Variants in ELL observed in about 807,000 individuals in gnomAD.
ELL encodes elongation factor for RNA polymerase II.
ELL carries 18 observed loss-of-function variants against 64.0 expected under a neutral mutation model. The ratio of observed to expected loss-of-function variants is 0.28; its 90% CI spans 0.19 to 0.42. ELL has a LOEUF of 0.42. ELL is among the 10% of genes least tolerant of loss of function. The pLI is 1.00. For synonymous variants in ELL, 399 were observed against 376.2 expected, an observed-to-expected ratio of 1.06 and a Z score of -0.70; for missense variants, 797 against 870.4, an observed-to-expected ratio of 0.92 and a Z score of 1.06.
In ELL at chr19:18,450,716, C is replaced by T. The variant is rs1292425325; in HGVS notation, c.1226G>A (p.Arg409Gln). 31 of 1,585,448 alleles carry T rather than the reference C, an allele frequency of 2.0e-5. No homozygotes were observed. In the Admixed American group the frequency reaches 3.5e-4, roughly 18 times the overall value. Residue 409 changes from arginine to glutamine, a missense_variant, in exon 8 of 12, where the codon CGA becomes CAA. Transcript: ENST00000262809. Reference sequence around the variant, plus strand: ...AGCCGCCTCTCCGTGCTCACAGTCTCGGCCGCTGTGGCCCAGGTCATTGCT... The same window carrying T: ...AGCCGCCTCTCCGTGCTCACAGTCTTGGCCGCTGTGGCCCAGGTCATTGCT... The part of the protein sequence containing the change: ...DVSNDLGHSG[R>Q]DCEHGEAAAP...
intron 2 of ELL, 179 bp downstream of exon 2, chr19:18,472,656 A>G: frequency 1.4e-6 from 1 of 697,232 alleles, no homozygotes; most frequent in South Asian, 2.0e-5. Context: ...TGCACCCGAC[A>G]CGTCCTGGTG....
At chr19:18,463,164 G>A (rs1974862311) in intron 4 of ELL, among the ~76,000 whole-genome samples, 1 of 152,088 alleles carries the variant, frequency 6.6e-6, no homozygotes, top group Non-Finnish European at 1.5e-5. Context: ...AGAAAGCCTT[G>A]CTTTCAGAAT....
intron 1 of ELL, among the ~76,000 whole-genome samples, chr19:18,506,170 GC>G (rs770578921): frequency 1.4e-4 from 22 of 152,228 alleles, no homozygotes; most frequent in Non-Finnish European, 2.9e-4. Context: ...ACACGCAGCA[GC>G]TGGGTCTGAA....
At chr19:18,471,049 T>C (rs763125005) in intron 2 of ELL, 26 of 451,526 alleles carry the variant, frequency 5.8e-5, no homozygotes, top group Non-Finnish European at 9.8e-5. Flanking sequence ...TGGACAGAAA[T>C]TGATTTAGGT....
chr19:18,507,904 GATGCAGCAGGCTGAGGCTGACTCC>G (rs1368961759), intron 1 of ELL, among the ~76,000 whole-genome samples: 8 of 152,174 alleles, frequency 5.3e-5, no homozygotes, highest in Non-Finnish European at 1.0e-4. Context: ...CAGAGATGAG[GATGCAGCAGGCTGAGGCTGACTCC>G]ATGCGGCAGC....
chr19:18,470,348 C>G (rs1204244648), intron 2 of ELL, among the ~76,000 whole-genome samples: 1 of 152,230 alleles, frequency 6.6e-6, no homozygotes, highest in African/African-American at 2.4e-5. Flanking sequence ...AGGGGCCCCC[C>G]CACTGCTCAG....
In ELL at chr19:18,465,456, C is replaced by T. The variant is rs764761787; in HGVS notation, c.425G>A (p.Arg142Gln). 2.5e-6 allele frequency: 4 copies of T among 1,612,026 alleles called. No individual in the cohort carries two copies. The highest frequency in any genetic ancestry group is 2.2e-5 in the East Asian group (1 of 44,774). ...CTTGATGACAATGGCACTTCGGCTC[C>T]GCGTCTCCTCCTCCGCCTGGGCCAT... ...QSMAQAEEET[R>Q]SRSAIVIKAG... The change falls in exon 4 of 12, where the codon CGG becomes CAG. Residue 142 changes from arginine to glutamine, a missense_variant. Physicochemically the swap from Arg to Gln is conservative, Grantham distance 43. Coordinates refer to ENST00000262809, the MANE Select transcript of ELL (RefSeq NM_006532.4).
intron 4 of ELL, among the ~76,000 whole-genome samples, chr19:18,464,074 A>G (rs1349689174): frequency 1.3e-5 from 2 of 152,066 alleles, no homozygotes; most frequent in African/African-American, 4.8e-5. Context: ...CAGATTTATT[A>G]ACATGTATAT....
intron 5 of ELL, among the ~76,000 whole-genome samples, chr19:18,459,511 C>T (rs1974755605): frequency 6.6e-6 from 1 of 151,750 alleles, no homozygotes; most frequent in Admixed American, 6.6e-5. Context: ...CAGCGTATCC[C>T]ATGGGGAGCA....
At chr19:18,453,970 T>G (rs1016596767) in intron 6 of ELL, among the ~76,000 whole-genome samples, 2 of 152,146 alleles carry the variant, frequency 1.3e-5, no homozygotes, top group African/African-American at 2.4e-5. Context: ...GGCAAATCAA[T>G]AGAGACAGAA....
chr19:18,497,966 T>C (rs1975695580), intron 1 of ELL, among the ~76,000 whole-genome samples: 1 of 151,160 alleles, frequency 6.6e-6, no homozygotes, highest in South Asian at 2.1e-4. Flanking sequence ...CTGTCTCTAC[T>C]AAAAATACAA....
chr19:18,497,203 TGA>T (rs1425188579), intron 1 of ELL, among the ~76,000 whole-genome samples: 1 of 152,018 alleles, frequency 6.6e-6, no homozygotes, highest in Non-Finnish European at 1.5e-5. Context: ...TAACAAGAAA[TGA>T]GCTAGGAAAC....
chr19:18,521,657 A>C (rs1976280764), intron 1 of ELL, among the ~76,000 whole-genome samples: 1 of 151,034 alleles, frequency 6.6e-6, no homozygotes, highest in Admixed American at 6.6e-5. Flanking sequence ...GCCGACACCG[A>C]CGCCCCCCGG....
At chr19:18,470,722 G>A (rs1276514116) in intron 2 of ELL, among the ~76,000 whole-genome samples, 1 of 152,194 alleles carries the variant, frequency 6.6e-6, no homozygotes, top group Non-Finnish European at 1.5e-5. Context: ...GACCCTCGAT[G>A]GTCTGGGTGG....
Position 18,444,219 on chromosome 19 carries a change from C to G in ELL, c.*533G>C, listed in dbSNP as rs1267539781. The G allele has an allele frequency of 8.6e-6, 2 of 232,206 alleles. No homozygotes were observed. Among genetic ancestry groups the G allele is most frequent in the East Asian group, 1.2e-4 (2 of 16,442 alleles). 14.4% of individuals were successfully genotyped at this position (232,206 alleles called of 1,614,324 possible). On this transcript the variant is annotated 3_prime_UTR_variant, in exon 12 of 12. Transcript: ENST00000262809. Reference sequence around the variant, plus strand: ...ACGTAGAGCCAGAGACCAGCAGAGGCCACCTGCCCATTCCCCACGCCCTCA... The same window carrying G: ...ACGTAGAGCCAGAGACCAGCAGAGGGCACCTGCCCATTCCCCACGCCCTCA...
intron 5 of ELL, 137 bp from the exon 6 acceptor site, chr19:18,458,466 G>A: frequency 6.6e-6 from 9 of 1,362,420 alleles, no homozygotes; most frequent in Non-Finnish European, 8.9e-6. Context: ...GAGGAAAGAG[G>A]ATGGCCCACT....
rs1411056513 is a variant in ELL at position 18,451,719 on chromosome 19, T to A, written c.870-71A>T. ...TAGGGGCCCCAGGCCTGTATCCACA[T>A]GGGGGCCCGGTGGAGATGCCTCAAG... On this transcript the variant is annotated intron_variant, in intron 6 of 11. Transcript: ENST00000262809. 3.2e-6 allele frequency: 4 copies of A among 1,240,478 alleles called. No individual in the cohort carries two copies. The African/African-American group carries it at 4.8e-5, about 15-fold the overall frequency. 76.8% of individuals were successfully genotyped at this position (1,240,478 alleles called of 1,614,324 possible).
Position 18,446,383 on chromosome 19 carries a change from C to G in ELL, c.1630G>C (p.Glu544Gln). 1 of 1,611,244 alleles carries G rather than the reference C, an allele frequency of 6.2e-7. No homozygotes were observed. Among genetic ancestry groups the G allele is most frequent in the Non-Finnish European group, 8.5e-7 (1 of 1,179,546 alleles). ...SEYRDLHARIERITRRFTQLD... is the reference protein window; with the variant it reads ...SEYRDLHARIQRITRRFTQLD... ...TGGGTGAACCGCCGCGTGATGCGCT[C>G]AATGCGGGCGTGCAGGTCGCGGTAC... Residue 544 changes from glutamate to glutamine, a missense_variant, in exon 10 of 12, where the codon GAG (glutamate) becomes CAG (glutamine). Physicochemically the swap from Glu to Gln is conservative, Grantham distance 29. Transcript: ENST00000262809.
At chr19:18,498,274 G>T (rs1975704153) in intron 1 of ELL, among the ~76,000 whole-genome samples, 1 of 152,146 alleles carries the variant, frequency 6.6e-6, no homozygotes, top group Non-Finnish European at 1.5e-5. Flanking sequence ...ACTCAACTTT[G>T]CTCAGTATTG....
Sources: gnomAD v4.1 joint callset for allele counts (sites outside exome capture counted in the v4.1 genomes callset) on GRCh38, gnomAD v4.1.1 for gene constraint, MANE v1.5 for transcripts, NCBI Gene and HGNC (gene_info 2026-07-23, HGNC 2026-07-21) for gene names.